Variants in ATRNL1 observed in about 807,000 individuals in gnomAD.
ATRNL1 encodes attractin like 1, also known as attractin-like protein 1.
Under a neutral mutation model 182.7 loss-of-function variants are expected in ATRNL1, and 95 were observed. The ratio of observed to expected loss-of-function variants is 0.52; its 90% CI spans 0.44 to 0.62. The LOEUF (loss-of-function observed/expected upper bound fraction) is 0.62, where lower values mean the gene tolerates loss of function less well. Ranked by LOEUF, ATRNL1 falls within the 20% of genes least tolerant of loss-of-function variation. The probability of loss-of-function intolerance (pLI) is 0.00; values close to 1 mark genes in which losing one functional copy is unlikely to be tolerated. For missense variants in ATRNL1, 1,471 were observed against 1,679.5 expected (o/e 0.88, Z 2.17); for synonymous variants, 576 against 568.3 (o/e 1.01, Z -0.19).
At chr10:115,331,214 C>CAAG (rs1554934969) in intron 18 of ATRNL1, among the ~76,000 whole-genome samples, 1 of 152,096 alleles carries the variant, frequency 6.6e-6, no homozygotes, top group Admixed American at 6.6e-5. Flanking sequence ...CGCCCGCCAC[C>CAAG]AAGCCTGGCT....
At chr10:115,227,612 C>A (rs897661980) in intron 9 of ATRNL1, among the ~76,000 whole-genome samples, 1 of 152,110 alleles carries the variant, frequency 6.6e-6, no homozygotes, top group Non-Finnish European at 1.5e-5. Context: ...GAGACATAGG[C>A]ACTTGTTTGT....
At chr10:115,368,115 TC>T (rs1292090566) in intron 19 of ATRNL1, among the ~76,000 whole-genome samples, 3 of 151,986 alleles carry the variant, frequency 2.0e-5, no homozygotes, top group Non-Finnish European at 4.4e-5. Context: ...CGGGCGCCCC[TC>T]CCCCAGGCTC....
At position 115,457,378 on chromosome 10, in the gene ATRNL1, G is replaced by A. The variant is rs551099493; in HGVS notation, c.3323-4563G>A. On this transcript the variant is annotated intron_variant, in intron 21 of 28. Transcript: ENST00000355044. ...CAATCGAGAGAGTGGGTGGGTTGGCGATAGAAGTTCTCACTCTGGTTGTGG... is the reference window on the plus strand; with the variant it reads ...CAATCGAGAGAGTGGGTGGGTTGGCAATAGAAGTTCTCACTCTGGTTGTGG... Among the ~76,000 whole-genome samples, 9 of 152,076 alleles carry A rather than the reference G, an allele frequency of 5.9e-5. No individual in the cohort carries two copies. The East Asian group carries it at 1.4e-3, about 23-fold the overall frequency.
chr10:115,165,396 A>T (rs1846991265), intron 6 of ATRNL1, among the ~76,000 whole-genome samples, 162 bp from the exon 7 acceptor site: 1 of 152,022 alleles, frequency 6.6e-6, no homozygotes. Flanking sequence ...ATGAGTCTTT[A>T]TTAGAAATTT....
intron 26 of ATRNL1, among the ~76,000 whole-genome samples, chr10:115,703,302 G>T (rs895499661): frequency 3.0e-4 from 45 of 151,778 alleles, no homozygotes; most frequent in African/African-American, 1.1e-3. Flanking sequence ...CAAACTATAA[G>T]AATCCTAGAA....
chr10:115,376,475 T>A (rs1048145719), intron 19 of ATRNL1, among the ~76,000 whole-genome samples: 11 of 152,018 alleles, frequency 7.2e-5, no homozygotes, highest in South Asian at 4.2e-4. Flanking sequence ...TTTTTGAAGA[T>A]ATGGGGTCTG....
intron 20 of ATRNL1, among the ~76,000 whole-genome samples, chr10:115,412,661 C>T (rs1451911909): frequency 1.3e-5 from 2 of 152,012 alleles, no homozygotes; most frequent in Non-Finnish European, 2.9e-5. Context: ...GATTTCTAGT[C>T]TTTGGTAGAT....
intron 26 of ATRNL1, among the ~76,000 whole-genome samples, chr10:115,709,860 A>T (rs782587837): frequency 6.6e-6 from 1 of 152,010 alleles, no homozygotes; most frequent in Non-Finnish European, 1.5e-5. Context: ...AAATCTCATC[A>T]CTTGTTTATG....
chr10:115,507,955 T>C (rs56740402), intron 24 of ATRNL1, among the ~76,000 whole-genome samples: 7,100 of 152,064 alleles, frequency 0.047, 526 homozygotes, highest in African/African-American at 0.16. Context: ...GCATACCTTG[T>C]TGTATTTTAC....
chr10:115,131,563 T>C (rs971929494), intron 5 of ATRNL1, among the ~76,000 whole-genome samples: 5 of 152,108 alleles, frequency 3.3e-5, no homozygotes, highest in African/African-American at 1.2e-4. Flanking sequence ...ATTTCAGATA[T>C]ATATAGAATG....
At chr10:115,769,977 G>T (rs889080596) in intron 27 of ATRNL1, among the ~76,000 whole-genome samples, 1 of 152,198 alleles carries the variant, frequency 6.6e-6, no homozygotes, top group East Asian at 1.9e-4. Flanking sequence ...AGCTAATGCA[G>T]CTTAAGCCTA....
chr10:115,576,849 A>G (rs1467633197), intron 26 of ATRNL1, among the ~76,000 whole-genome samples: 5 of 151,988 alleles, frequency 3.3e-5, no homozygotes, highest in Non-Finnish European at 5.9e-5. Context: ...TTTTCATCTA[A>G]GAGTTTTTCA....
chr10:115,497,376 A>G (rs1218495153), intron 24 of ATRNL1, among the ~76,000 whole-genome samples: 1 of 152,204 alleles, frequency 6.6e-6, no homozygotes, highest in Non-Finnish European at 1.5e-5. Flanking sequence ...AGCCTGTGGC[A>G]GATATGTGAG....
At chr10:115,738,155 T>TTTGTTTTTTTTTTTTTA in intron 27 of ATRNL1, among the ~76,000 whole-genome samples, 1 of 102,186 alleles carries the variant, frequency 9.8e-6, no homozygotes, top group Admixed American at 1.1e-4. Context: ...TTTTTTTTTT[T>TTTGTTTTTTTTTTTTTA]TGAGATGGAG....
chr10:115,134,639 T>G (rs899964809), intron 5 of ATRNL1, among the ~76,000 whole-genome samples: 10 of 152,200 alleles, frequency 6.6e-5, no homozygotes, highest in Non-Finnish European at 1.2e-4. Context: ...CTTCTGAAAC[T>G]ATTTCAATCA....
intron 24 of ATRNL1, among the ~76,000 whole-genome samples, chr10:115,517,108 T>C (rs544446366): frequency 6.3e-4 from 96 of 152,128 alleles, no homozygotes; most frequent in African/African-American, 2.2e-3. Flanking sequence ...AGTAGATCAA[T>C]TTTGTGTCTC....
intron 8 of ATRNL1, among the ~76,000 whole-genome samples, chr10:115,172,790 A>C (rs1453888397): frequency 6.7e-6 from 1 of 150,020 alleles, no homozygotes; most frequent in African/African-American, 2.4e-5. Context: ...AGCCCTACCC[A>C]TACTTCTAAA....
chr10:115,761,355 T>A (rs530957126), intron 27 of ATRNL1, among the ~76,000 whole-genome samples: 101 of 152,256 alleles, frequency 6.6e-4, no homozygotes, highest in African/African-American at 2.2e-3. Context: ...CACATAGACA[T>A]TGGGCGAGGT....
chr10:115,293,403 T>A (rs1554921562), intron 15 of ATRNL1, among the ~76,000 whole-genome samples: 1 of 152,180 alleles, frequency 6.6e-6, no homozygotes, highest in Non-Finnish European at 1.5e-5. Context: ...GGTTGTTTTC[T>A]GGTTTTCATA....
Sources: allele counts gnomAD v4.1 joint callset (sites outside exome capture counted in the v4.1 genomes callset), GRCh38; gene constraint gnomAD v4.1.1; transcripts MANE v1.5; gene names NCBI Gene and HGNC (gene_info 2026-07-23, HGNC 2026-07-21).